The following ENGASE variants were observed in gnomAD, a reference collection of about 807,000 sequenced individuals.
ENGASE encodes the protein endo-beta-N-acetylglucosaminidase, also known as cytosolic endo-beta-N-acetylglucosaminidase.
In ENGASE, 69 loss-of-function variants were observed where a neutral mutation model predicts 78.5. The observed-to-expected ratio is 0.88, with a 90% CI of 0.72 to 1.07. ENGASE has a LOEUF of 1.07. Among genes scored for constraint, ENGASE ranks in the 50% least tolerant of loss-of-function variants. The pLI is 0.00. For synonymous variants in ENGASE, 408 were observed against 408.9 expected (o/e 1.00, Z 0.03); for missense variants, 943 against 988.4 (o/e 0.95, Z 0.62).
At chr17:79,077,522 C>T in intron 2 of ENGASE, 25 bp downstream of exon 2, 1 of 1,546,922 alleles carries the variant, frequency 6.5e-7, no homozygotes, top group Non-Finnish European at 8.7e-7. Flanking sequence ...GCTCTGAATA[C>T]CGATCCACCT....
Position 79,083,131 on chromosome 17 carries a change from C to T in ENGASE, c.1142+8C>T. On this transcript the variant is annotated splice_region_variant and intron_variant, in intron 8 of 13. Coordinates refer to ENST00000579016, the MANE Select transcript of ENGASE (RefSeq NM_001042573.3). This position sits in a 1 kb window ranked among gnomAD's most constrained non-coding sequence, Gnocchi z 4.9. The stretch of plus-strand genomic sequence containing the variant: ...CTTCCAGAACCAGGACAAGTGAGTC[C>T]TGCTGTCCTGGGTGCTTAGTGCAGG... 6.2e-7 allele frequency: 1 copy of T among 1,602,092 alleles called. No individual in the cohort carries two copies. The highest frequency in any genetic ancestry group is 8.5e-7 in the Non-Finnish European group (1 of 1,169,808).
rs773225760 is a variant in ENGASE, at chr17:79,080,302, G to A, written c.661G>A (p.Val221Ile). Residue 221 changes from valine to isoleucine, a missense_variant, in exon 5 of 14, where the codon GTC becomes ATC. Val to Ile is a conservative substitution (Grantham distance 29). Transcript: ENST00000579016. ...RSYQAVADRL[V>I]QITQFFRFDG... ...GTACCAGGCAGTGGCTGACCGGCTG[G>A]TCCAGATCACTCAGTTTTTTCGTTT... The A allele has an allele frequency of 1.9e-6, 3 of 1,613,990 alleles. No individual in the cohort carries two copies. Among genetic ancestry groups the A allele is most frequent in the Non-Finnish European group, 8.5e-7 (1 of 1,180,008 alleles).
In ENGASE at chr17:79,085,754, C is replaced by T. The variant is rs774909092; in HGVS notation, c.1815+20C>T. 6.2e-7 allele frequency: 1 copy of T among 1,611,304 alleles called. No homozygotes were observed. Among genetic ancestry groups the T allele is most frequent in the South Asian group, 1.1e-5 (1 of 90,800 alleles). On this transcript the variant is annotated intron_variant, in intron 13 of 13. Coordinates refer to ENST00000579016, the MANE Select transcript of ENGASE (RefSeq NM_001042573.3). ...ATCCAGGTGATGCTTCCCAGAGGGG[C>T]TCGGGCTGGGCTGGCTGTTTGTCCA...
At position 79,087,178 on chromosome 17, in the gene ENGASE, T is replaced by C. The variant is rs1158862451; in HGVS notation, c.*829T>C. On this transcript the variant is annotated 3_prime_UTR_variant, in exon 14 of 14. Transcript: ENST00000579016. ...GGACAAGCCGCCCTTCAGGCTGGGG[T>C]AGCAGGTCAGTCCAGGCAGGAAGCA... 2.5e-6 allele frequency: 1 copy of C among 403,458 alleles called. No homozygotes were observed. Among genetic ancestry groups the C allele is most frequent in the East Asian group, 7.2e-5 (1 of 13,828 alleles). The allele number at this position is 403,458 out of a possible 1,614,324, so 25.0% of individuals were successfully genotyped here.
Position 79,083,433 on chromosome 17 carries a change from G to T in ENGASE, c.1143-49G>T. 4 of 1,437,902 alleles carry T rather than the reference G, an allele frequency of 2.8e-6. No individual in the cohort carries two copies. The highest frequency in any genetic ancestry group is 2.9e-6 in the Non-Finnish European group (3 of 1,029,534). The allele number at this position is 1,437,902 out of a possible 1,614,324, so 89.1% of individuals were successfully genotyped here. A position where few individuals can be genotyped will look rare whatever the true frequency, so the allele number is the denominator to read the frequency against. On this transcript the variant is annotated intron_variant, in intron 8 of 13. Coordinates refer to ENST00000579016, the MANE Select transcript of ENGASE (RefSeq NM_001042573.3). The surrounding 1 kb of genome is among the most constrained non-coding windows in gnomAD (Gnocchi z 4.9). ...CAGCAAGTTTGAGGGACACTGAGAGGCTCCCTCCCTTCCTCCGGACCGAGC... is the reference window on the plus strand; with the variant it reads ...CAGCAAGTTTGAGGGACACTGAGAGTCTCCCTCCCTTCCTCCGGACCGAGC...
intron 7 of ENGASE, chr17:79,082,276 G>A (rs1434247989): frequency 4.3e-5 from 65 of 1,505,096 alleles, no homozygotes; most frequent in Non-Finnish European, 5.5e-5. Flanking sequence ...TCTACAATCA[G>A]ATAATGTATT....
At chr17:79,077,321 A>G in intron 1 of ENGASE, 109 bp from the exon 2 acceptor site, 1 of 940,890 alleles carries the variant, frequency 1.1e-6, no homozygotes, top group African/African-American at 1.7e-5. Flanking sequence ...TAAACAACAT[A>G]AGGCAGAGAA....
rs1464221134 is a variant in ENGASE, at chr17:79,083,177, C to T, written c.1142+54C>T. On this transcript the variant is annotated intron_variant, in intron 8 of 13. Coordinates refer to ENST00000579016, the MANE Select transcript of ENGASE (RefSeq NM_001042573.3). The surrounding 1 kb of genome is among the most constrained non-coding windows in gnomAD (Gnocchi z 4.9). ...GCAGGCTGATGGGAGGGAGGGGTTT[C>T]TGGTGTCTCTGATAGGACACGTTTG... The T allele has an allele frequency of 7.6e-7, 1 of 1,310,918 alleles. No homozygotes were observed. The highest frequency in any genetic ancestry group is 1.1e-6 in the Non-Finnish European group (1 of 914,830). The allele number at this position is 1,310,918 out of a possible 1,614,324, so 81.2% of individuals were successfully genotyped here.
rs747960059 is a variant in ENGASE, at chr17:79,085,611, G to C, written c.1701-9G>C. ...AGCCCGGCCAGTGATCAGCCCTTTC[G>C]CCCCGTAGCTGCTACGAGGTGAGCC... On this transcript the variant is annotated splice_polypyrimidine_tract_variant and intron_variant, in intron 12 of 13. Coordinates refer to ENST00000579016, the MANE Select transcript of ENGASE (RefSeq NM_001042573.3). The C allele has an allele frequency of 6.2e-7, 1 of 1,613,128 alleles. No homozygotes were observed. The highest frequency in any genetic ancestry group is 2.2e-5 in the East Asian group (1 of 44,862).
chr17:79,085,460 A>G, intron 12 of ENGASE, 118 bp downstream of exon 12: 1 of 1,335,580 alleles, frequency 7.5e-7, no homozygotes, highest in Non-Finnish European at 1.0e-6. Flanking sequence ...CAGCTCTGAG[A>G]CAGAAGCCCA....
intron 1 of ENGASE, 22 bp from the exon 2 acceptor site, chr17:79,077,407 TG>T (rs1226159504): frequency 6.3e-7 from 1 of 1,595,952 alleles, no homozygotes; most frequent in Non-Finnish European, 8.5e-7. Flanking sequence ...TATTTATAAA[TG>T]TACAACTCCC....
rs1397743607 is a variant in ENGASE, at chr17:79,083,727, C to T, written c.1252-34C>T. The T allele has an allele frequency of 1.3e-6, 2 of 1,592,782 alleles. No individual in the cohort carries two copies. Among genetic ancestry groups the T allele is most frequent in the African/African-American group, 1.3e-5 (1 of 74,318 alleles). On this transcript the variant is annotated intron_variant, in intron 9 of 13. Transcript: ENST00000579016. The surrounding 1 kb of genome is among the most constrained non-coding windows in gnomAD (Gnocchi z 4.9). ...CCGGGCACCCCTGCTCTGTTGGCCT[C>T]TGCTGAGTGCCCCTGTTCTGCCCTT...
At chr17:79,082,618 T>G in intron 7 of ENGASE, 1 of 1,285,692 alleles carries the variant, frequency 7.8e-7, no homozygotes, top group Non-Finnish European at 1.0e-6. Context: ...TCCTGCCCGT[T>G]CCCAGAGCCC....
At chr17:79,079,395 TG>T in intron 3 of ENGASE, 93 bp from the exon 4 acceptor site, 2 of 1,434,906 alleles carry the variant, frequency 1.4e-6, no homozygotes, top group Non-Finnish European at 1.9e-6. Context: ...CTTAAACTCC[TG>T]GGCTCAAGTG....
chr17:79,075,431 G>GCGGC (rs2072945558), intron 1 of ENGASE, among the ~76,000 whole-genome samples: 1 of 152,280 alleles, frequency 6.6e-6, no homozygotes, highest in Admixed American at 6.5e-5. Flanking sequence ...GAAGATCCCG[G>GCGGC]CGGCGGTGCT....
Position 79,085,951 on chromosome 17 carries a change from C to T in ENGASE, c.1834C>T (p.Leu612=). 6.2e-7 allele frequency: 1 copy of T among 1,600,882 alleles called. No homozygotes were observed. The change falls in exon 14 of 14, where the codon CTG becomes TTG. Residue 612 remains leucine (L), a synonymous_variant. Transcript: ENST00000579016. ...CTGCCAGGTGGTGGACGCTGCCAGC[C>T]TGCTGGCCCCTCTGCCCCAGGTGCA... ...GEIQVVDAAS[L]LAPLPQVQAV...
intron 1 of ENGASE, chr17:79,075,664 G>A (rs764969775): frequency 6.8e-4 from 665 of 984,968 alleles, no homozygotes; most frequent in Non-Finnish European, 7.7e-4. Flanking sequence ...TTGCCCACCC[G>A]GTAAACTCCC....
At chr17:79,079,751 G>A (rs762751234) in intron 4 of ENGASE, 114 bp downstream of exon 4, 13 of 1,371,400 alleles carry the variant, frequency 9.5e-6, no homozygotes, top group Admixed American at 9.4e-5. Context: ...AGAGCCCCTC[G>A]CTGGGGGCCG....
At position 79,077,775 on chromosome 17, in the gene ENGASE, G is replaced by A. The variant is rs192902271; in HGVS notation, c.327G>A (p.Glu109=). ...RLEDGFNVAL[E]PLACRQPPLS... ...AGGATGGCTTTAATGTGGCCCTGGA[G>A]CCCCTGGCGTGTCGCCAGCCCCCTC... The change falls in exon 3 of 14, where the codon GAG becomes GAA. Residue 109 remains glutamate (E), a synonymous_variant. Transcript: ENST00000579016. 1,859 of 1,614,138 alleles carry A rather than the reference G, an allele frequency of 1.2e-3. 2 individuals carry two copies. The highest frequency in any genetic ancestry group is 1.4e-3 in the Non-Finnish European group (1,699 of 1,180,040).
Sources: gnomAD v4.1 joint callset for allele counts (sites outside exome capture counted in the v4.1 genomes callset) on GRCh38, gnomAD v4.1.1 for gene constraint, Gnocchi (gnomAD v3.1) non-coding constraint, MANE v1.5 for transcripts, NCBI Gene and HGNC (gene_info 2026-07-23, HGNC 2026-07-21) for gene names.